The following PLCG2 variants were observed in gnomAD, a reference collection of about 807,000 sequenced individuals.
PLCG2 encodes the protein phospholipase C gamma 2.
A neutral mutation model predicts 175.6 loss-of-function variants in PLCG2; 69 were observed. The observed-to-expected ratio is 0.39, with a 90% CI of 0.32 to 0.48. PLCG2 has a LOEUF of 0.48. Among genes scored for constraint, PLCG2 ranks in the 20% least tolerant of loss-of-function variants. PLCG2 has a pLI of 0.91. For missense variants in PLCG2, 1,798 were observed against 1,650.9 expected (o/e 1.09, Z -1.54); for synonymous variants, 827 against 624.0 (o/e 1.33, Z -4.85).
chr16:81,960,356 TAG>T lies in PLCG2; in HGVS notation c.*2359_*2360del, dbSNP rs1911737332. On this transcript the variant is annotated 3_prime_UTR_variant, in exon 33 of 33. Coordinates refer to ENST00000564138, the MANE Select transcript of PLCG2 (RefSeq NM_002661.5). ...CACAGCCAATCCAGGCCAAGAAGAC[TAG>T]TAACAGGCACATTCTGAAAGATGGA... is the stretch of plus-strand genomic sequence containing the variant. 4.5e-6 allele frequency: 1 copy of T among 220,064 alleles called. No individual in the cohort carries two copies. Among genetic ancestry groups the T allele is most frequent in the Admixed American group, 5.8e-5 (1 of 17,302 alleles). 13.6% of individuals were successfully genotyped at this position (220,064 alleles called of 1,614,324 possible). A position where few individuals can be genotyped will look rare whatever the true frequency, so the allele number is the denominator to read the frequency against.
chr16:81,868,377 T>A (rs947977405), intron 5 of PLCG2, among the ~76,000 whole-genome samples: 5 of 151,938 alleles, frequency 3.3e-5, no homozygotes, highest in African/African-American at 7.2e-5. Context: ...TTTATTTTTT[T>A]ACTTATTTTT....
rs766248746 is a variant in PLCG2, at chr16:81,960,564, G to T, written c.*2566G>T. ...AAAAACTAAATAAAGTTTTTCTACT[G>T]TGAGACTAGATGTGCAGGAGTGAAA... On this transcript the variant is annotated 3_prime_UTR_variant, in exon 33 of 33. Transcript: ENST00000564138. 4.3e-6 allele frequency: 1 copy of T among 231,572 alleles called. No individual in the cohort carries two copies. The allele number at this position is 231,572 out of a possible 1,614,324, so 14.3% of individuals were successfully genotyped here. A position where few individuals can be genotyped will look rare whatever the true frequency, so the allele number is the denominator to read the frequency against.
intron 31 of PLCG2, among the ~76,000 whole-genome samples, chr16:81,949,646 G>A (rs1211187076): frequency 6.6e-6 from 1 of 152,216 alleles, no homozygotes; most frequent in African/African-American, 2.4e-5. Context: ...AGATAGGGAG[G>A]TGAAGAGAGG....
intron 7 of PLCG2, among the ~76,000 whole-genome samples, chr16:81,876,016 C>CTTTTTTTTT (rs547152035): frequency 9.2e-4 from 106 of 114,996 alleles, no homozygotes; most frequent in East Asian, 1.6e-3. Context: ...CTTTTTCTTT[C>CTTTTTTTTT]TTTTTTTTTT....
chr16:81,803,918 G>T (rs1210664519), intron 2 of PLCG2, among the ~76,000 whole-genome samples: 1 of 152,170 alleles, frequency 6.6e-6, no homozygotes, highest in East Asian at 1.9e-4. Flanking sequence ...CTGGCCTCAA[G>T]TGATCCACCT....
intron 2 of PLCG2, among the ~76,000 whole-genome samples, chr16:81,845,791 C>T (rs1207582089): frequency 6.6e-6 from 1 of 152,206 alleles, no homozygotes; most frequent in Non-Finnish European, 1.5e-5. Context: ...CAAAAATGCC[C>T]ACCGACCCCC....
At chr16:81,819,495 A>G (rs1904701435) in intron 2 of PLCG2, among the ~76,000 whole-genome samples, 2 of 152,118 alleles carry the variant, frequency 1.3e-5, no homozygotes, top group South Asian at 4.1e-4. Flanking sequence ...CTCCTCGCCC[A>G]CTGCTTTTCA....
chr16:81,868,472 C>T (rs1011737779), intron 5 of PLCG2, among the ~76,000 whole-genome samples: 2 of 152,172 alleles, frequency 1.3e-5, no homozygotes, highest in African/African-American at 4.8e-5. Flanking sequence ...CTGGGTCTTT[C>T]CTGGCTGATT....
chr16:81,800,795 A>T (rs139422638), intron 2 of PLCG2, among the ~76,000 whole-genome samples: 2 of 152,130 alleles, frequency 1.3e-5, no homozygotes, highest in East Asian at 3.9e-4. Context: ...ATACGGCAAA[A>T]TGCTCCTTGC....
chr16:81,883,122 C>G (rs1349146915), intron 8 of PLCG2, 147 bp from the exon 9 acceptor site: 3 of 670,076 alleles, frequency 4.5e-6, no homozygotes, highest in East Asian at 2.7e-5. Context: ...TCACCTGTGT[C>G]TTCCTGTTGG....
rs2143734184 is a variant in PLCG2, at chr16:81,938,927, A to G, written c.3313+12A>G. 1.3e-6 allele frequency: 2 copies of G among 1,502,168 alleles called. No individual in the cohort carries two copies. Among genetic ancestry groups the G allele is most frequent in the Non-Finnish European group, 1.9e-6 (2 of 1,080,460 alleles). The allele number at this position is 1,502,168 out of a possible 1,614,324, so 93.1% of individuals were successfully genotyped here. ...GACGACGGTTGTGAGTAAGTCAGTC[A>G]CCTTGGCCCCTCTGCTTTTAAACGT... is the stretch of plus-strand genomic sequence containing the variant. On this transcript the variant is annotated intron_variant, in intron 29 of 32. Transcript: ENST00000564138.
intron 30 of PLCG2, among the ~76,000 whole-genome samples, chr16:81,942,165 G>C (rs2143743265): frequency 6.6e-6 from 1 of 152,200 alleles, no homozygotes. Flanking sequence ...GAAACCCCTT[G>C]GTTACCCCGA....
In PLCG2 at chr16:81,908,430, A is replaced by G. The variant is rs373910195; in HGVS notation, c.1572A>G (p.Thr524=). Residue 524 remains threonine (T), a synonymous_variant, in exon 17 of 33, where the codon ACA becomes ACG. Transcript: ENST00000564138. The stretch of plus-strand genomic sequence containing the variant: ...TTGCGGCCCAGGATATACCCCCTAC[A>G]GAACTACATTTTGGGGAGAAATGGT... ...EEEVPQDIPP[T]ELHFGEKWFH... 2.5e-6 allele frequency: 4 copies of G among 1,614,052 alleles called. No individual in the cohort carries two copies. The highest frequency in any genetic ancestry group is 2.7e-5 in the African/African-American group (2 of 75,052).
intron 2 of PLCG2, among the ~76,000 whole-genome samples, chr16:81,845,084 A>C (rs1367641706): frequency 1.3e-5 from 2 of 152,154 alleles, no homozygotes; most frequent in African/African-American, 2.4e-5. Context: ...GTGCACCAGC[A>C]CACTTGGCTA....
intron 2 of PLCG2, among the ~76,000 whole-genome samples, chr16:81,832,981 G>C (rs4889409): frequency 0.44 from 66,394 of 152,090 alleles, 15,045 homozygotes; most frequent in East Asian, 0.59. Context: ...GACAGTAACT[G>C]AGGGAAACAA....
intron 29 of PLCG2, 25 bp from the exon 30 acceptor site, chr16:81,939,867 C>A: frequency 6.3e-7 from 1 of 1,580,450 alleles, no homozygotes; most frequent in African/African-American, 1.3e-5. Flanking sequence ...AATGTGGCCT[C>A]TCATGAGCTT....
At chr16:81,899,850 A>G (rs1909068134) in intron 13 of PLCG2, among the ~76,000 whole-genome samples, 1 of 152,222 alleles carries the variant, frequency 6.6e-6, no homozygotes, top group Non-Finnish European at 1.5e-5. Context: ...TTAAACAGAA[A>G]CACACATAAA....
chr16:81,936,874 C>T (rs959502558), intron 27 of PLCG2, among the ~76,000 whole-genome samples: 3 of 152,198 alleles, frequency 2.0e-5, no homozygotes, highest in Admixed American at 6.5e-5. Flanking sequence ...GCCTCCTTTA[C>T]ATTCTTTTTA....
intron 14 of PLCG2, among the ~76,000 whole-genome samples, chr16:81,903,821 T>G (rs906407787): frequency 1.3e-5 from 2 of 152,146 alleles, no homozygotes; most frequent in Non-Finnish European, 2.9e-5. Context: ...TGTTCTAAGA[T>G]GCAAAGTACT....
Sources: allele counts gnomAD v4.1 joint callset (sites outside exome capture counted in the v4.1 genomes callset), GRCh38; gene constraint gnomAD v4.1.1; transcripts MANE v1.5; gene names NCBI Gene and HGNC (gene_info 2026-07-23, HGNC 2026-07-21).